TLE3: variants seen among roughly 807,000 people sequenced by gnomAD.
TLE3 encodes transducin-like enhancer protein 3.
A neutral mutation model predicts 93.0 loss-of-function variants in TLE3; 14 were observed. The observed-to-expected ratio is 0.15, with a 90% CI of 0.10 to 0.24. TLE3 has a LOEUF of 0.24. Among genes scored for constraint, TLE3 ranks in the 10% least tolerant of loss-of-function variants. TLE3 has a pLI of 1.00. For missense variants in TLE3, 693 were observed against 1,046.6 expected, an observed-to-expected ratio of 0.66 and a Z score of 4.66; for synonymous variants, 451 against 425.0, an observed-to-expected ratio of 1.06 and a Z score of -0.75.
chr15:70,054,500 G>A lies in TLE3; in HGVS notation c.1764C>T (p.Cys588=). The A allele has an allele frequency of 6.2e-7, 1 of 1,614,048 alleles. No individual in the cohort carries two copies. The highest frequency in any genetic ancestry group is 1.1e-5 in the South Asian group (1 of 91,088). The part of the protein sequence containing the change: ...ALAISPDAKV[C]FSCCSDGNIA... The stretch of plus-strand genomic sequence containing the variant: ...TGTTCCCATCGCTGCAGCAGGAGAA[G>A]CAGACTTTGGCGTCAGGGCTAATGG... Residue 588 remains cysteine (C), a synonymous_variant, in exon 16 of 20, where the codon TGC becomes TGT. Transcript: ENST00000451782.
intron 12 of TLE3, chr15:70,057,883 T>A: frequency 1.4e-6 from 1 of 715,118 alleles, no homozygotes; most frequent in South Asian, 1.9e-5. Flanking sequence ...GAGGCCCAAA[T>A]GGGCTTGCTT....
At chr15:70,051,255 G>A in intron 19 of TLE3, 136 bp downstream of exon 19, 1 of 790,174 alleles carries the variant, frequency 1.3e-6, no homozygotes, top group Non-Finnish European at 2.0e-6. Flanking sequence ...GGTAGGGGTG[G>A]GGAGGGGACC....
intron 2 of TLE3, 47 bp downstream of exon 2, chr15:70,096,114 G>T (rs950166862): frequency 9.5e-6 from 14 of 1,480,418 alleles, no homozygotes; most frequent in African/African-American, 7.2e-5. Flanking sequence ...CCGCGCAGGG[G>T]ACCCACCCCT....
Position 70,063,389 on chromosome 15 carries a change from G to A in TLE3, c.594+1065C>T, listed in dbSNP as rs57558186. ...CTCTTAGGTACCTAGCCATTCCTCA[G>A]CCCAAATGTGGTCCTGGATTTCTGA... On this transcript the variant is annotated intron_variant, in intron 8 of 19. Transcript: ENST00000451782. 7.6e-3 allele frequency among the ~76,000 whole-genome samples: 1,157 copies of A among 152,280 alleles called. 13 individuals are homozygous for A. The highest frequency in any genetic ancestry group is 0.02 in the African/African-American group (834 of 41,544).
intron 6 of TLE3, among the ~76,000 whole-genome samples, chr15:70,073,956 T>A (rs1424283150): frequency 1.3e-5 from 2 of 152,214 alleles, no homozygotes; most frequent in African/African-American, 4.8e-5. Context: ...AGACGGGACT[T>A]CTAGAAAGTC....
Position 70,096,162 on chromosome 15 carries a change from T to C in TLE3, c.124A>G (p.Ser42Gly). 1 of 1,553,944 alleles carries C rather than the reference T, an allele frequency of 6.4e-7. No homozygotes were observed. Among genetic ancestry groups the C allele is most frequent in the Admixed American group, 1.9e-5 (1 of 51,482 alleles). ...EFQFLQAQYH[S>G]LKVEYDKLAN... ...CGGGGCGGCCCCCACCGGCCTTACC[T>C]GTGATACTGAGCTTGCAGGAACTGG... is the stretch of plus-strand genomic sequence containing the variant. Residue 42 changes from serine to glycine, a missense_variant and splice_region_variant, in exon 2 of 20, where the codon AGC becomes GGC. Coordinates refer to ENST00000451782, the MANE Select transcript of TLE3 (RefSeq NM_001105192.3).
chr15:70,096,240 G>T lies in TLE3; in HGVS notation c.46C>A (p.Pro16Thr). 1 of 1,555,732 alleles carries T rather than the reference G, an allele frequency of 6.4e-7. No individual in the cohort carries two copies. ...TCAGCCACCGTGAATTTAAATCCCG[G>T]CTGCCCGGGTTGATGGGGAGCCTGG... The part of the protein sequence containing the change: ...RHPAPHQPGQ[P>T]GFKFTVAESC... Residue 16 changes from proline (P) to threonine (T), a missense_variant, in exon 2 of 20, where the codon CCG becomes ACG. This residue lies in a region of TLE3 where 31 missense variants were observed against 24.0 expected (regional missense o/e 1.29). Coordinates refer to ENST00000451782, the MANE Select transcript of TLE3 (RefSeq NM_001105192.3).
intron 5 of TLE3, among the ~76,000 whole-genome samples, chr15:70,075,283 T>C (rs2057382239): frequency 6.6e-6 from 1 of 152,232 alleles, no homozygotes; most frequent in African/African-American, 2.4e-5. Flanking sequence ...GGGGAGGATA[T>C]GGGAAATCTC....
At chr15:70,052,563 T>G in intron 17 of TLE3, 39 bp from the exon 18 acceptor site, 1 of 1,596,196 alleles carries the variant, frequency 6.3e-7, no homozygotes, top group Non-Finnish European at 8.5e-7. Context: ...GAGCTCAGCA[T>G]TCTCTGCCCT....
rs886463605 is a variant in TLE3 at position 70,097,045 on chromosome 15, C to G, written c.-247G>C. On this transcript the variant is annotated 5_prime_UTR_variant, in exon 1 of 20. Coordinates refer to ENST00000451782, the MANE Select transcript of TLE3 (RefSeq NM_001105192.3). ...GCCGGGGCCGGGCGGCGGGCGCGGG[C>G]TTTGTGCGCCTAGGGCTCGGCGGGC... is the stretch of plus-strand genomic sequence containing the variant. The G allele has an allele frequency of 1.9e-6, 1 of 533,390 alleles. No homozygotes were observed. Among genetic ancestry groups the G allele is most frequent in the Non-Finnish European group, 3.2e-6 (1 of 310,880 alleles). 33.0% of individuals were successfully genotyped at this position (533,390 alleles called of 1,614,324 possible).
intron 4 of TLE3, among the ~76,000 whole-genome samples, chr15:70,083,799 T>C (rs956794976): frequency 7.9e-5 from 12 of 151,884 alleles, no homozygotes; most frequent in African/African-American, 2.7e-4. Context: ...ACAAATGAAA[T>C]GCTGGCTAGG....
In TLE3 at chr15:70,060,532, A is replaced by G. The variant is rs2056402568; in HGVS notation, c.712T>C (p.Tyr238His). Reference protein sequence around the residue: ...KAEEKDSLSRYDSDGDKSDDL... With the variant: ...KAEEKDSLSRHDSDGDKSDDL... ...GTGCCATGGCGCCTTGGACGTACGT[A>G]TCGGCTCAAGCTGTCCTTCTCCTCC... is the stretch of plus-strand genomic sequence containing the variant. The change falls in exon 9 of 20, where the codon TAC (tyrosine) becomes CAC (histidine). Residue 238 changes from tyrosine to histidine, a missense_variant and splice_region_variant. Tyr to His is a moderately conservative substitution (Grantham distance 83). Coordinates refer to ENST00000451782, the MANE Select transcript of TLE3 (RefSeq NM_001105192.3). 1 of 1,613,700 alleles carries G rather than the reference A, an allele frequency of 6.2e-7. No individual in the cohort carries two copies. The highest frequency in any genetic ancestry group is 1.3e-5 in the African/African-American group (1 of 74,908).
At chr15:70,066,710 A>G (rs1304988971) in intron 6 of TLE3, 1 of 162,234 alleles carries the variant, frequency 6.2e-6, no homozygotes, top group African/African-American at 2.4e-5. Context: ...CCTGCCTTAC[A>G]GAGCAGGGGC....
At chr15:70,080,211 A>G (rs2057699265) in intron 4 of TLE3, among the ~76,000 whole-genome samples, 1 of 151,958 alleles carries the variant, frequency 6.6e-6, no homozygotes, top group South Asian at 2.1e-4. Context: ...CCAGAGGCCG[A>G]CCTCCATCCT....
chr15:70,096,920 G>T lies in TLE3; in HGVS notation c.-122C>A. On this transcript the variant is annotated 5_prime_UTR_variant, in exon 1 of 20. Transcript: ENST00000451782. ...GCCGGGAAACCGAGAGCTCGCCCCC[G>T]GCCCCCCCAGCTCGTTCTCGCAGCG... 9.1e-7 allele frequency: 1 copy of T among 1,103,356 alleles called. No homozygotes were observed. The highest frequency in any genetic ancestry group is 1.3e-6 in the Non-Finnish European group (1 of 758,276). The allele number at this position is 1,103,356 out of a possible 1,614,324, so 68.3% of individuals were successfully genotyped here. A position where few individuals can be genotyped will look rare whatever the true frequency, so the allele number is the denominator to read the frequency against.
intron 3 of TLE3, 132 bp downstream of exon 3, chr15:70,095,446 T>C (rs572280537): frequency 1.3e-6 from 2 of 1,540,228 alleles, no homozygotes; most frequent in South Asian, 2.4e-5. Flanking sequence ...AAGACCAGAT[T>C]ATGCCCTCTC....
At chr15:70,065,158 G>A (rs2056737354) in intron 7 of TLE3, among the ~76,000 whole-genome samples, 1 of 152,230 alleles carries the variant, frequency 6.6e-6, no homozygotes, top group South Asian at 2.1e-4. Flanking sequence ...TGTGGCCTGG[G>A]CCAAGGCAGG....
chr15:70,095,510 G>A (rs2058511257), intron 3 of TLE3, 68 bp downstream of exon 3: 1 of 1,546,644 alleles, frequency 6.5e-7, no homozygotes. Context: ...CATCTCCCCA[G>A]ATCCACGCCG....
chr15:70,059,383 C>G, intron 10 of TLE3, 27 bp downstream of exon 10: 1 of 1,601,468 alleles, frequency 6.2e-7, no homozygotes, highest in Non-Finnish European at 8.5e-7. Flanking sequence ...AAACCAAGAG[C>G]CCCCTTGCGA....
Sources: allele counts gnomAD v4.1 joint callset (sites outside exome capture counted in the v4.1 genomes callset), GRCh38; gene constraint gnomAD v4.1.1; regional missense constraint gnomAD v4.1.1; transcripts MANE v1.5; gene names NCBI Gene and HGNC (gene_info 2026-07-23, HGNC 2026-07-21).